Variants in AKT2 observed in about 807,000 individuals in gnomAD.
AKT2 encodes RAC-beta serine/threonine-protein kinase.
Under a neutral mutation model 58.6 loss-of-function variants are expected in AKT2, and 16 were observed. The observed-to-expected ratio is 0.27, with a 90% confidence interval of 0.18 to 0.41. AKT2 has a LOEUF of 0.41. Ranked by LOEUF, AKT2 falls within the 10% of genes least tolerant of loss-of-function variation. The pLI, the probability that AKT2 is intolerant of heterozygous loss-of-function variation, is 1.00. For missense variants in AKT2, 438 were observed against 661.0 expected (o/e 0.66, Z 3.70); for synonymous variants, 253 against 254.0 (o/e 1.00, Z 0.04).
In AKT2 at chr19:40,235,273, A is replaced by C. The variant is rs1159523716; in HGVS notation, c.1253T>G (p.Val418Gly). 6.2e-7 allele frequency: 1 copy of C among 1,613,872 alleles called. No homozygotes were observed. The highest frequency in any genetic ancestry group is 8.5e-7 in the Non-Finnish European group (1 of 1,179,986). The change falls in exon 12 of 14, where the codon GTC (valine) becomes GGC (glycine). Residue 418 changes from valine (V) to glycine (G), a missense_variant. Val to Gly is a moderately radical substitution (Grantham distance 109). This residue lies in a region of AKT2 where 148 missense variants were observed against 199.5 expected (regional missense o/e 0.74). Transcript: ENST00000392038. This position sits in a 1 kb window ranked among gnomAD's most constrained non-coding sequence, Gnocchi z 6.3. ...AGCAGTGGGGCTCACCTTCTTCTGG[A>C]CCACGTCCTGCCAGTTGATGCTGAG... The part of the protein sequence containing the change: ...FFLSINWQDV[V>G]QKKLLPPFKP...
chr19:40,247,978 T>C (rs1974864860), intron 4 of AKT2, among the ~76,000 whole-genome samples: 1 of 152,160 alleles, frequency 6.6e-6, no homozygotes, highest in South Asian at 2.1e-4. Context: ...ACGTTCGCCA[T>C]ACCAACACTG....
intron 6 of AKT2, chr19:40,241,716 C>T: frequency 1.5e-6 from 1 of 654,184 alleles, no homozygotes; most frequent in Non-Finnish European, 2.5e-6. Flanking sequence ...TCTCTCTCCA[C>T]AGGCACCCCC....
intron 4 of AKT2, 46 bp downstream of exon 4, chr19:40,255,112 A>C (rs747777805): frequency 1.4e-6 from 2 of 1,446,782 alleles, no homozygotes. Context: ...TCCTCACACC[A>C]GGCTTGCTCC....
intron 1 of AKT2, among the ~76,000 whole-genome samples, chr19:40,275,779 T>TGGGGG (rs1568572732): frequency 2.2e-4 from 1 of 4,624 alleles, no homozygotes. Context: ...GGGGGGGGGG[T>TGGGGG]GGGCGGGGGG....
chr19:40,232,376 AGAC>A lies in AKT2; in HGVS notation c.*1493_*1495del. 1.3e-5 allele frequency: 3 copies of A among 233,696 alleles called. No individual in the cohort carries two copies. The highest frequency in any genetic ancestry group is 2.5e-5 in the Non-Finnish European group (3 of 118,086). The allele number at this position is 233,696 out of a possible 1,614,324, so 14.5% of individuals were successfully genotyped here. A position where few individuals can be genotyped will look rare whatever the true frequency, so the allele number is the denominator to read the frequency against. On this transcript the variant is annotated 3_prime_UTR_variant, in exon 14 of 14. Coordinates refer to ENST00000392038, the MANE Select transcript of AKT2 (RefSeq NM_001626.6). ...TATTGCTTGTACCGTACAAATATGA[AGAC>A]GAGGAGAAAGGCCAGTAGGGACGGA...
chr19:40,236,504 G>A (rs1167093112), intron 9 of AKT2, 119 bp from the exon 10 acceptor site: 32 of 1,394,954 alleles, frequency 2.3e-5, no homozygotes, highest in Non-Finnish European at 3.1e-5. Flanking sequence ...ATGCCAGGCT[G>A]GGCCCAGCAC....
At position 40,242,122 on chromosome 19, in the gene AKT2, G is replaced by A; in HGVS notation, c.442-53C>T. On this transcript the variant is annotated intron_variant, in intron 5 of 13. Transcript: ENST00000392038. The surrounding 1 kb of genome is among the most constrained non-coding windows in gnomAD (Gnocchi z 4.3). ...GTCAGCGCCTGGCTCATGGCCCGTG[G>A]GAGGAAATTTTAACAAAAGAAAGAG... The A allele has an allele frequency of 6.2e-7, 1 of 1,612,072 alleles. No homozygotes were observed. The highest frequency in any genetic ancestry group is 8.5e-7 in the Non-Finnish European group (1 of 1,179,206).
In AKT2 at chr19:40,231,628, C is replaced by T. The variant is rs908695449; in HGVS notation, c.*2244G>A. ...CTCTGCACAGCAGGGCTCAGCAGGG[C>T]AGGCCAGGGCTCTGGTCCCTGGTCC... On this transcript the variant is annotated 3_prime_UTR_variant, in exon 14 of 14. Coordinates refer to ENST00000392038, the MANE Select transcript of AKT2 (RefSeq NM_001626.6). 3.0e-5 allele frequency: 7 copies of T among 233,262 alleles called. No individual in the cohort carries two copies. Among genetic ancestry groups the T allele is most frequent in the Non-Finnish European group, 5.9e-5 (7 of 118,096 alleles). The allele number at this position is 233,262 out of a possible 1,614,324, so 14.4% of individuals were successfully genotyped here.
At chr19:40,241,377 C>T (rs927457199) in intron 6 of AKT2, 28 of 177,640 alleles carry the variant, frequency 1.6e-4, no homozygotes, top group Admixed American at 8.1e-4. Context: ...AGTGAAGTGA[C>T]GTGTTGTCTA....
At chr19:40,257,846 T>C (rs1045122768) in intron 2 of AKT2, among the ~76,000 whole-genome samples, 1 of 152,172 alleles carries the variant, frequency 6.6e-6, no homozygotes, top group Admixed American at 6.5e-5. Context: ...CATGCTGCCA[T>C]GTGGAGGGAC....
chr19:40,270,191 T>C (rs966510144), intron 1 of AKT2, among the ~76,000 whole-genome samples: 5 of 152,194 alleles, frequency 3.3e-5, no homozygotes, highest in African/African-American at 1.2e-4. Context: ...CCCTTACCCT[T>C]ACCCTTCATT....
intron 7 of AKT2, 162 bp downstream of exon 7, chr19:40,239,883 C>A (rs1183199025): frequency 1.2e-6 from 1 of 852,396 alleles, no homozygotes; most frequent in East Asian, 2.5e-5. Context: ...TCACCCCCAC[C>A]ACATGTCTTG....
intron 2 of AKT2, among the ~76,000 whole-genome samples, chr19:40,263,042 T>C (rs1006911035): frequency 6.6e-6 from 1 of 152,168 alleles, no homozygotes; most frequent in African/African-American, 2.4e-5. Context: ...AGCTAGGCCA[T>C]CCCAGATGAC....
chr19:40,240,543 T>C (rs1974335739), intron 6 of AKT2, among the ~76,000 whole-genome samples: 1 of 152,130 alleles, frequency 6.6e-6, no homozygotes, highest in Admixed American at 6.5e-5. Flanking sequence ...CTGGCAGCAA[T>C]GCAAATTCCT....
At position 40,235,867 on chromosome 19, in the gene AKT2, G is replaced by A. The variant is rs559041120; in HGVS notation, c.1175+23C>T. 3 of 1,594,112 alleles carry A rather than the reference G, an allele frequency of 1.9e-6. No individual in the cohort carries two copies. In the East Asian group the frequency reaches 6.7e-5, roughly 36 times the overall value. Reference sequence around the variant, plus strand: ...GTGGCAGCAGCTGGCGCTGGGCTGGGTGGGGCCGACGCCAGCCCTCACCTC... The same window carrying A: ...GTGGCAGCAGCTGGCGCTGGGCTGGATGGGGCCGACGCCAGCCCTCACCTC... On this transcript the variant is annotated intron_variant, in intron 11 of 13. Coordinates refer to ENST00000392038, the MANE Select transcript of AKT2 (RefSeq NM_001626.6). The surrounding 1 kb of genome is among the most constrained non-coding windows in gnomAD (Gnocchi z 6.3).
chr19:40,271,212 C>CATATAT (rs57995088), intron 1 of AKT2, among the ~76,000 whole-genome samples: 142 of 140,044 alleles, frequency 1.0e-3, no homozygotes, highest in African/African-American at 1.4e-3. Context: ...TACATACATA[C>CATATAT]ATATATATAT....
intron 2 of AKT2, among the ~76,000 whole-genome samples, chr19:40,263,100 C>T (rs1025521989): frequency 3.3e-5 from 5 of 152,192 alleles, no homozygotes; most frequent in African/African-American, 1.2e-4. Context: ...AACATGAATG[C>T]GGACACTGAA....
intron 4 of AKT2, among the ~76,000 whole-genome samples, chr19:40,248,944 GGAGGAGATGAGGA>G: frequency 1.3e-5 from 1 of 78,270 alleles, no homozygotes; most frequent in Non-Finnish European, 2.7e-5. Flanking sequence ...AGGGAGGAGT[GGAGGAGATGAGGA>G]CAGGGAGGAG....
In AKT2 at chr19:40,233,795, CTAAG is replaced by C. The variant is rs1973842643; in HGVS notation, c.*73_*76del. On this transcript the variant is annotated 3_prime_UTR_variant, in exon 14 of 14. Coordinates refer to ENST00000392038, the MANE Select transcript of AKT2 (RefSeq NM_001626.6). This position sits in a 1 kb window ranked among gnomAD's most constrained non-coding sequence, Gnocchi z 4.3. Reference sequence around the variant, plus strand: ...GGGGTGGGGACACAAACCAAAAAGGCTAAGTAAAAAGTTAGGGGGAAAAAACCAC... The same window carrying C: ...GGGGTGGGGACACAAACCAAAAAGGCTAAAAAGTTAGGGGGAAAAAACCAC... 2.0e-6 allele frequency: 3 copies of C among 1,468,614 alleles called. No homozygotes were observed. Among genetic ancestry groups the C allele is most frequent in the African/African-American group, 1.4e-5 (1 of 71,990 alleles). The allele number at this position is 1,468,614 out of a possible 1,614,324, so 91.0% of individuals were successfully genotyped here.
Sources: allele counts gnomAD v4.1 joint callset (sites outside exome capture counted in the v4.1 genomes callset), GRCh38; gene constraint gnomAD v4.1.1; regional missense constraint gnomAD v4.1.1; non-coding constraint Gnocchi (gnomAD v3.1); transcripts MANE v1.5; gene names NCBI Gene and HGNC (gene_info 2026-07-23, HGNC 2026-07-21).